Variants in CASD1 observed in about 807,000 individuals in gnomAD.
CASD1 encodes CAS1 domain sialic acid O acetyltransferase 1.
A neutral mutation model predicts 100.0 loss-of-function variants in CASD1; 41 were observed. That is an observed-to-expected ratio of 0.41 (90% CI 0.32 to 0.53). CASD1 has a LOEUF of 0.53. CASD1 is among the 20% of genes least tolerant of loss of function. The pLI, the probability that CASD1 is intolerant of heterozygous loss-of-function variation, is 0.25. For synonymous variants in CASD1, 321 were observed against 315.6 expected (o/e 1.02, Z -0.18); for missense variants, 774 against 948.7 (o/e 0.82, Z 2.42).
At chr7:94,559,326 A>G (rs13309889), downstream of CASD1, among the ~76,000 whole-genome samples, 2,686 of 83,532 alleles carry the variant, frequency 0.032, 63 homozygotes, top group African/African-American at 0.089. Context: ...GTGTGTGTGT[A>G]TATATATATG....
the CASD1 span, among the ~76,000 whole-genome samples, chr7:94,573,701 C>T: frequency 6.6e-6 from 1 of 152,088 alleles, no homozygotes; most frequent in Non-Finnish European, 1.5e-5. Flanking sequence ...TCCACTTTTC[C>T]TGTTTGGATG....
the CASD1 span, chr7:94,623,772 G>A: frequency 1.1e-3 from 435 of 389,162 alleles, no homozygotes; most frequent in Non-Finnish European, 1.6e-3. Context: ...CTTTTAAATG[G>A]AGTTTAAGAA....
the CASD1 span, chr7:94,603,585 G>C: frequency 1.3e-6 from 1 of 777,360 alleles, no homozygotes; most frequent in African/African-American, 1.8e-5. Flanking sequence ...TAGGGGCCTC[G>C]GCTCTAAAAA....
chr7:94,525,859 T>C lies in CASD1; in HGVS notation c.352-1303T>C, dbSNP rs140352205. On this transcript the variant is annotated intron_variant, in intron 3 of 17. Transcript: ENST00000297273. The stretch of plus-strand genomic sequence containing the variant: ...CATGGAGATTACAGTATAAATACTA[T>C]TTGTCTGTTTGAATTAATGAAAACA... Among the ~76,000 whole-genome samples the C allele has an allele frequency of 6.6e-3, 1,004 of 152,326 alleles. 4 individuals are homozygous for C. Among genetic ancestry groups the C allele is most frequent in the Middle Eastern group, 0.01 (3 of 294 alleles).
At chr7:94,589,881 A>C in the CASD1 span, 1 of 153,314 alleles carries the variant, frequency 6.5e-6, no homozygotes. Flanking sequence ...GTGCATAATA[A>C]ATGCAATGCA....
the CASD1 span, among the ~76,000 whole-genome samples, chr7:94,580,288 C>G: frequency 6.6e-6 from 1 of 152,200 alleles, no homozygotes; most frequent in African/African-American, 2.4e-5. Flanking sequence ...TTTGGCCTAC[C>G]TTGGGTCTCA....
At position 94,510,120 on chromosome 7, in the gene CASD1, G is replaced by A. The variant is rs1416151232; in HGVS notation, c.36G>A (p.Glu12=). The change falls in exon 1 of 18, where the codon GAG becomes GAA. Residue 12 remains glutamate (E), a synonymous_variant. Transcript: ENST00000297273. ...TGGCCTACAACCTGGGCAAGCGGGAGATCAACCACTACTTCAGCGTGAGGA... is the reference window on the plus strand; with the variant it reads ...TGGCCTACAACCTGGGCAAGCGGGAAATCAACCACTACTTCAGCGTGAGGA... The part of the protein sequence containing the change: ...AALAYNLGKR[E]INHYFSVRSA... 1.3e-6 allele frequency: 2 copies of A among 1,530,444 alleles called. No homozygotes were observed. The highest frequency in any genetic ancestry group is 1.8e-6 in the Non-Finnish European group (2 of 1,137,454). 94.8% of individuals were successfully genotyped at this position (1,530,444 alleles called of 1,614,324 possible).
intron 1 of CASD1, 148 bp downstream of exon 1, chr7:94,510,365 CA>C: frequency 1.9e-6 from 1 of 536,816 alleles, no homozygotes; most frequent in Non-Finnish European, 2.9e-6. Context: ...GTGTCCCCAG[CA>C]GCGGCCGGCG....
At chr7:94,527,441 G>C (rs1794631839) in intron 4 of CASD1, among the ~76,000 whole-genome samples, 1 of 152,158 alleles carries the variant, frequency 6.6e-6, no homozygotes, top group South Asian at 2.1e-4. Context: ...GTCCATAAAA[G>C]AATATATGTG....
chr7:94,522,577 T>C (rs1265215313), intron 3 of CASD1, among the ~76,000 whole-genome samples: 2 of 152,308 alleles, frequency 1.3e-5, no homozygotes, highest in African/African-American at 4.8e-5. Flanking sequence ...TGTAAGCTTA[T>C]AGCTCAATAA....
At chr7:94,564,012 C>T in the CASD1 span, among the ~76,000 whole-genome samples, 1 of 152,166 alleles carries the variant, frequency 6.6e-6, no homozygotes, top group Non-Finnish European at 1.5e-5. Context: ...ATGTCCTCAA[C>T]ATAATCAACA....
intron 1 of CASD1, among the ~76,000 whole-genome samples, chr7:94,510,628 AG>A (rs1411901595): frequency 6.6e-6 from 1 of 152,158 alleles, no homozygotes; most frequent in Non-Finnish European, 1.5e-5. Flanking sequence ...CCGCCCTGCA[AG>A]GGGCACCGCT....
chr7:94,582,119 T>C, the CASD1 span, among the ~76,000 whole-genome samples: 2 of 152,306 alleles, frequency 1.3e-5, 1 homozygote, highest in Admixed American at 1.3e-4. Context: ...TTTGCATTTC[T>C]CTAATGATCA....
the CASD1 span, chr7:94,589,501 C>T: frequency 6.6e-6 from 1 of 152,366 alleles, no homozygotes; most frequent in Admixed American, 6.5e-5. Context: ...ACAGGGGTCC[C>T]CAACCCCTGG....
chr7:94,625,339 A>C, the CASD1 span: 4 of 152,052 alleles, frequency 2.6e-5, no homozygotes, highest in Non-Finnish European at 5.9e-5. Context: ...ACTATATTAT[A>C]TGAAAGATAT....
At chr7:94,594,056 A>G in the CASD1 span, among the ~76,000 whole-genome samples, 4 of 151,880 alleles carry the variant, frequency 2.6e-5, no homozygotes, top group African/African-American at 9.7e-5. Context: ...ACAAGGCTAG[A>G]CTCTCTCTTG....
chr7:94,628,341 G>A, the CASD1 span: 1 of 1,609,708 alleles, frequency 6.2e-7, no homozygotes, highest in Non-Finnish European at 8.5e-7. Context: ...AAATGTTATG[G>A]GATCATTACT....
At chr7:94,581,414 G>A in the CASD1 span, among the ~76,000 whole-genome samples, 1 of 151,964 alleles carries the variant, frequency 6.6e-6, no homozygotes, top group Admixed American at 6.6e-5. Flanking sequence ...TGCAGGATGT[G>A]CAGGTTTCTT....
the CASD1 span, among the ~76,000 whole-genome samples, chr7:94,565,938 A>G: frequency 6.6e-6 from 1 of 152,180 alleles, no homozygotes; most frequent in Non-Finnish European, 1.5e-5. Flanking sequence ...TGTAGTTTCA[A>G]GAAAGTCTTG....
Sources: allele counts gnomAD v4.1 joint callset (sites outside exome capture counted in the v4.1 genomes callset), GRCh38; gene constraint gnomAD v4.1.1; transcripts MANE v1.5; gene names NCBI Gene and HGNC (gene_info 2026-07-23, HGNC 2026-07-21).